DAB1: variants seen among roughly 807,000 people sequenced by gnomAD.
DAB1 encodes DAB adaptor protein 1, also known as disabled homolog 1.
A neutral mutation model predicts 64.6 loss-of-function variants in DAB1; 15 were observed. The ratio of observed to expected loss-of-function variants is 0.23; its 90% CI spans 0.16 to 0.36. The LOEUF is 0.36. Among genes scored for constraint, DAB1 ranks in the 10% least tolerant of loss-of-function variants. The probability of loss-of-function intolerance (pLI) is 1.00; values close to 1 mark genes in which losing one functional copy is unlikely to be tolerated. For missense variants in DAB1, 596 were observed against 706.7 expected, an observed-to-expected ratio of 0.84 and a Z score of 1.78; for synonymous variants, 235 against 251.9, an observed-to-expected ratio of 0.93 and a Z score of 0.64.
intron 5 of DAB1, among the ~76,000 whole-genome samples, chr1:57,953,739 A>T (rs547209931): frequency 6.6e-6 from 1 of 152,296 alleles, no homozygotes; most frequent in East Asian, 1.9e-4. Context: ...CTAGCATGAA[A>T]CAGGCAGGTG....
chr1:58,282,047 C>A lies in DAB1; in HGVS notation n.309+61305G>T, dbSNP rs77966840. On this transcript the variant is annotated intron_variant and non_coding_transcript_variant, in intron 4 of 20. Transcript: ENST00000485760. ...TTTTCCCTCTTACTCTCTGCTACAG[C>A]TATACAGAGACTTAATTCCTCCTAA... Among the ~76,000 whole-genome samples the A allele has an allele frequency of 2.3e-3, 352 of 152,248 alleles. 1 individual carries two copies. The highest frequency in any genetic ancestry group is 7.9e-3 in the African/African-American group (328 of 41,550).
intron 6 of DAB1, among the ~76,000 whole-genome samples, chr1:57,706,076 C>T (rs1475100421): frequency 6.6e-6 from 1 of 151,734 alleles, no homozygotes; most frequent in East Asian, 1.9e-4. Context: ...TACAGATTCA[C>T]AAAAAGGTTA....
chr1:57,569,603 G>A (rs1372946180), intron 7 of DAB1, among the ~76,000 whole-genome samples: 1 of 151,986 alleles, frequency 6.6e-6, no homozygotes, highest in Non-Finnish European at 1.5e-5. Context: ...GTTGTGTGGT[G>A]GGGGTAGGGG....
At chr1:57,863,649 G>A (rs1321049749) in intron 1 of DAB1, among the ~76,000 whole-genome samples, 1 of 152,158 alleles carries the variant, frequency 6.6e-6, no homozygotes, top group East Asian at 1.9e-4. Context: ...ATCTGGGAAG[G>A]CTACGGATCT....
intron 5 of DAB1, chr1:58,084,489 A>C (rs1025212927): frequency 1.7e-5 from 3 of 172,176 alleles, no homozygotes; most frequent in African/African-American, 7.0e-5. Flanking sequence ...AGTCATGTCC[A>C]TGTATAAAGA....
At chr1:57,546,921 G>A (rs1475104779) in intron 7 of DAB1, among the ~76,000 whole-genome samples, 3 of 151,986 alleles carry the variant, frequency 2.0e-5, no homozygotes, top group East Asian at 3.9e-4. Flanking sequence ...GGAGATTATG[G>A]GTAATTAAAA....
intron 7 of DAB1, among the ~76,000 whole-genome samples, chr1:57,642,639 G>A (rs1044590754): frequency 6.6e-6 from 1 of 152,186 alleles, no homozygotes; most frequent in South Asian, 2.1e-4. Flanking sequence ...AACTCCATCC[G>A]TTGCCTGGAG....
chr1:58,113,905 A>G (rs1468779490), intron 5 of DAB1, among the ~76,000 whole-genome samples: 3 of 151,936 alleles, frequency 2.0e-5, no homozygotes, highest in East Asian at 3.9e-4. Flanking sequence ...TTTGAATAAT[A>G]TAGGAAGGTG....
intron 7 of DAB1, among the ~76,000 whole-genome samples, chr1:57,490,017 A>C (rs1413885447): frequency 1.3e-5 from 2 of 152,182 alleles, no homozygotes; most frequent in Admixed American, 1.3e-4. Context: ...AAAGGGGCCC[A>C]AGAAAGCTGC....
chr1:57,044,209 C>T (rs1417940066), intron 9 of DAB1, among the ~76,000 whole-genome samples: 3 of 152,236 alleles, frequency 2.0e-5, no homozygotes, highest in Non-Finnish European at 4.4e-5. Context: ...CAAGCACTCA[C>T]TGCTCTGTTT....
intron 6 of DAB1, among the ~76,000 whole-genome samples, chr1:57,715,377 G>A (rs1175058664): frequency 6.6e-6 from 1 of 152,126 alleles, no homozygotes; most frequent in South Asian, 2.1e-4. Flanking sequence ...AGAAGACAAG[G>A]ATGCCCACTT....
intron 4 of DAB1, among the ~76,000 whole-genome samples, chr1:58,214,719 G>A (rs1416342): frequency 0.46 from 69,772 of 152,072 alleles, 19,815 homozygotes; most frequent in Non-Finnish European, 0.66. Context: ...TAGGCTTGTA[G>A]AAACAATATT....
intron 6 of DAB1, among the ~76,000 whole-genome samples, chr1:57,765,718 G>A (rs375382470): frequency 6.6e-6 from 1 of 152,066 alleles, no homozygotes; most frequent in East Asian, 1.9e-4. Flanking sequence ...CCTCCATACA[G>A]CACACTCTTC....
intron 7 of DAB1, among the ~76,000 whole-genome samples, chr1:57,590,711 G>GGGAAGGAACACATT (rs1553197835): frequency 1.3e-5 from 2 of 148,956 alleles, no homozygotes; most frequent in Non-Finnish European, 3.0e-5. Flanking sequence ...ATTTGAGGGT[G>GGGAAGGAACACATT]GGAAGGAACA....
chr1:57,010,733 G>A lies in DAB1; in HGVS notation c.1630C>T (p.Pro544Ser), dbSNP rs1325840228. 6.3e-7 allele frequency: 1 copy of A among 1,597,314 alleles called. No individual in the cohort carries two copies. Among genetic ancestry groups the A allele is most frequent in the Non-Finnish European group, 8.6e-7 (1 of 1,169,176 alleles). ...TGTGGACTTATATTATCACCACTGGGCTCCCCACTGGGCTCACCAAATGGA... is the reference window on the plus strand; with the variant it reads ...TGTGGACTTATATTATCACCACTGGACTCCCCACTGGGCTCACCAAATGGA... ...SDPFGEPSGE[P>S]SGDNISPQAG... is the part of the protein sequence containing the mutation. Residue 544 changes from proline to serine, a missense_variant, in exon 14 of 15, where the codon CCC (proline) becomes TCC (serine). Pro to Ser is a moderately conservative substitution (Grantham distance 74). Coordinates refer to ENST00000371236, the MANE Select transcript of DAB1 (RefSeq NM_001365792.1).
intron 7 of DAB1, among the ~76,000 whole-genome samples, chr1:57,618,416 A>G (rs1303890559): frequency 6.7e-6 from 1 of 148,998 alleles, no homozygotes; most frequent in African/African-American, 2.5e-5. Context: ...CTGTCAAAAA[A>G]AAAAAAAAAA....
Position 57,811,942 on chromosome 1 carries a change from T to C in DAB1, n.551+72057A>G, listed in dbSNP as rs572324453. On this transcript the variant is annotated intron_variant and non_coding_transcript_variant, in intron 6 of 20. Coordinates refer to the DAB1 transcript ENST00000485760. ...CTTAGCCTAGTGAGGAGATGGTCAG[T>C]AGGAAGTCACCAAAGGACTTCAGGC... Among the ~76,000 whole-genome samples, 4 of 152,274 alleles carry C rather than the reference T, an allele frequency of 2.6e-5. No individual in the cohort carries two copies. In the East Asian group the frequency reaches 7.7e-4, roughly 29 times the overall value.
intron 3 of DAB1, among the ~76,000 whole-genome samples, chr1:58,437,930 G>A (rs1437379855): frequency 6.6e-6 from 1 of 152,182 alleles, no homozygotes; most frequent in Non-Finnish European, 1.5e-5. Flanking sequence ...TTTGACTCAT[G>A]CAGGGGGATC....
At chr1:57,037,495 A>G (rs1465462992) in intron 9 of DAB1, among the ~76,000 whole-genome samples, 1 of 152,334 alleles carries the variant, frequency 6.6e-6, no homozygotes, top group Admixed American at 6.5e-5. Context: ...AAAACAAAAA[A>G]CACAAAACGA....
Sources: allele counts gnomAD v4.1 joint callset (sites outside exome capture counted in the v4.1 genomes callset), GRCh38; gene constraint gnomAD v4.1.1; transcripts MANE v1.5; gene names NCBI Gene and HGNC (gene_info 2026-07-23, HGNC 2026-07-21).